Variants in SLC18A1 observed in about 807,000 individuals in gnomAD.
The protein encoded by SLC18A1 is chromaffin granule amine transporter.
In SLC18A1, 69 loss-of-function variants were observed where a neutral mutation model predicts 53.7. That is an observed-to-expected ratio of 1.28 (90% confidence interval 1.06 to 1.57). The LOEUF is 1.57. Among genes scored for constraint, SLC18A1 ranks in the 40% most tolerant of loss-of-function variants. SLC18A1 has a pLI of 0.00. For missense variants in SLC18A1, 932 were observed against 668.1 expected (o/e 1.40, Z -4.35); for synonymous variants, 320 against 248.1 (o/e 1.29, Z -2.72).
chr8:20,164,177 G>A (rs1170892031), intron 10 of SLC18A1, among the ~76,000 whole-genome samples: 1 of 152,094 alleles, frequency 6.6e-6, no homozygotes, highest in Non-Finnish European at 1.5e-5. Context: ...CAGTGATGGA[G>A]CAATTTGCAC....
intron 10 of SLC18A1, among the ~76,000 whole-genome samples, chr8:20,163,384 G>T (rs553820140): frequency 6.6e-6 from 1 of 152,212 alleles, no homozygotes; most frequent in East Asian, 1.9e-4. Context: ...CATATCAGAG[G>T]TCAAAGAGGT....
At position 20,148,082 on chromosome 8, in the gene SLC18A1, A is replaced by C. The variant is rs1247427100; in HGVS notation, c.1147-12T>G. 1.9e-6 allele frequency: 3 copies of C among 1,613,874 alleles called. No homozygotes were observed. The East Asian group carries it at 6.7e-5, about 36-fold the overall frequency. On this transcript the variant is annotated splice_polypyrimidine_tract_variant and intron_variant, in intron 12 of 15. Coordinates refer to ENST00000276373, the MANE Select transcript of SLC18A1 (RefSeq NM_003053.4). ...TGAGCCAGAGGAACCTGCATGGGGAAGGAGGAAGAGTCATCAGGACTCCAG... is the reference window on the plus strand; with the variant it reads ...TGAGCCAGAGGAACCTGCATGGGGACGGAGGAAGAGTCATCAGGACTCCAG...
intron 10 of SLC18A1, among the ~76,000 whole-genome samples, chr8:20,158,982 C>G (rs2071748634): frequency 6.6e-6 from 1 of 152,126 alleles, no homozygotes; most frequent in Non-Finnish European, 1.5e-5. Context: ...TTGGATGTAC[C>G]TCCCGCTGCA....
At position 20,156,815 on chromosome 8, in the gene SLC18A1, A is replaced by G. The variant is rs1282084740; in HGVS notation, c.1016-6071T>C. Among the ~76,000 whole-genome samples the G allele has an allele frequency of 3.9e-5, 6 of 152,182 alleles. No individual in the cohort carries two copies. In the East Asian group the frequency reaches 5.8e-4, roughly 15 times the overall value. On this transcript the variant is annotated intron_variant, in intron 10 of 15. Coordinates refer to ENST00000276373, the MANE Select transcript of SLC18A1 (RefSeq NM_003053.4). ...CCTAGTGGGCAAAAACTCTATCTCAATCCTGACTCAAAGGGTTACCTACAC... is the reference window on the plus strand; with the variant it reads ...CCTAGTGGGCAAAAACTCTATCTCAGTCCTGACTCAAAGGGTTACCTACAC...
chr8:20,166,908 C>T (rs2071981879), intron 8 of SLC18A1, among the ~76,000 whole-genome samples: 1 of 152,038 alleles, frequency 6.6e-6, no homozygotes, highest in Non-Finnish European at 1.5e-5. Context: ...TGAGTAAAGG[C>T]CATGTGAGGA....
chr8:20,172,705 G>C (rs551737703), intron 6 of SLC18A1, among the ~76,000 whole-genome samples: 3 of 152,242 alleles, frequency 2.0e-5, no homozygotes, highest in Non-Finnish European at 4.4e-5. Flanking sequence ...GAATAAAAGA[G>C]ATTATGCGTG....
chr8:20,167,333 C>T (rs906803782), intron 8 of SLC18A1, among the ~76,000 whole-genome samples: 1 of 151,998 alleles, frequency 6.6e-6, no homozygotes, highest in Non-Finnish European at 1.5e-5. Flanking sequence ...TTTATAATGG[C>T]ATGGGTAAGT....
At position 20,150,673 on chromosome 8, in the gene SLC18A1, T is replaced by A; in HGVS notation, c.1087A>T (p.Met363Leu). ...TNLFGVLANKMGRWLCSLIGM... is the reference protein window; with the variant it reads ...TNLFGVLANKLGRWLCSLIGM... Reference sequence around the variant, plus strand: ...GATCCCGAGGCTACATACCGACCCATCTTGTTGGCCAACACACCAAAGAGG... The same window carrying A: ...GATCCCGAGGCTACATACCGACCCAACTTGTTGGCCAACACACCAAAGAGG... The change falls in exon 11 of 16, where the codon ATG becomes TTG. Residue 363 changes from methionine to leucine, a missense_variant. By Grantham distance (15) the Met-to-Leu change is conservative. Transcript: ENST00000276373. The A allele has an allele frequency of 6.2e-7, 1 of 1,613,986 alleles. No individual in the cohort carries two copies. Among genetic ancestry groups the A allele is most frequent in the Non-Finnish European group, 8.5e-7 (1 of 1,179,916 alleles).
rs750482690 is a variant in SLC18A1, at chr8:20,179,343, GTGT to G, written c.263_265del (p.Asn88del). The stretch of plus-strand genomic sequence containing the variant: ...AGGTACGCTTTCTTCAACAGCCACG[GTGT>G]TGTTGTTGAAGAAGGAGAAGATGGT... On this transcript the variant is annotated inframe_deletion, in exon 3 of 16. Transcript: ENST00000276373. 1.3e-5 allele frequency: 21 copies of G among 1,614,078 alleles called. No individual in the cohort carries two copies. The highest frequency in any genetic ancestry group is 1.6e-4 in the Middle Eastern group (1 of 6,072).
At chr8:20,151,154 T>TG (rs1554534419) in intron 10 of SLC18A1, among the ~76,000 whole-genome samples, 26 of 147,508 alleles carry the variant, frequency 1.8e-4, no homozygotes, top group African/African-American at 5.8e-4. Flanking sequence ...TTTGTTTTTT[T>TG]TTTGTTTGTT....
intron 4 of SLC18A1, among the ~76,000 whole-genome samples, chr8:20,174,722 C>A (rs923249437): frequency 1.3e-5 from 2 of 152,100 alleles, no homozygotes; most frequent in Non-Finnish European, 2.9e-5. Flanking sequence ...TGCCAAGAAC[C>A]CAACATTCTG....
intron 8 of SLC18A1, among the ~76,000 whole-genome samples, chr8:20,170,648 G>A (rs938500817): frequency 1.3e-5 from 2 of 152,112 alleles, no homozygotes; most frequent in South Asian, 4.2e-4. Context: ...TTTTATTGCA[G>A]AAGATGTTGT....
chr8:20,160,108 T>A (rs1190677146), intron 10 of SLC18A1, among the ~76,000 whole-genome samples: 1 of 152,006 alleles, frequency 6.6e-6, no homozygotes, highest in Non-Finnish European at 1.5e-5. Flanking sequence ...CTTGTTTGCT[T>A]TTAATATTCT....
chr8:20,157,743 C>A lies in SLC18A1; in HGVS notation c.1016-6999G>T, dbSNP rs552282082. Among the ~76,000 whole-genome samples, 9 of 152,280 alleles carry A rather than the reference C, an allele frequency of 5.9e-5. No individual in the cohort carries two copies. The South Asian group carries it at 1.9e-3, about 32-fold the overall frequency. ...CCCAGAGCAAAACTTAGAAACCCTACTGAACTTGGCAACCTCAGTTTTTTA... is the reference window on the plus strand; with the variant it reads ...CCCAGAGCAAAACTTAGAAACCCTAATGAACTTGGCAACCTCAGTTTTTTA... On this transcript the variant is annotated intron_variant, in intron 10 of 15. Transcript: ENST00000276373.
chr8:20,145,982 C>A, intron 15 of SLC18A1, 106 bp from the exon 16 acceptor site: 1 of 536,046 alleles, frequency 1.9e-6, no homozygotes, highest in South Asian at 3.2e-5. Context: ...GTGGCGCAAT[C>A]TCGGCTCACT....
At chr8:20,174,477 T>G in intron 4 of SLC18A1, 33 bp from the exon 5 acceptor site, 1 of 1,517,490 alleles carries the variant, frequency 6.6e-7, no homozygotes, top group Non-Finnish European at 9.2e-7. Context: ...TAACTGCAGT[T>G]AGCAAATTGC....
At chr8:20,177,718 C>T (rs544109659) in intron 4 of SLC18A1, among the ~76,000 whole-genome samples, 8 of 152,156 alleles carry the variant, frequency 5.3e-5, no homozygotes, top group Non-Finnish European at 7.4e-5. Flanking sequence ...GCAGGGCCAT[C>T]GGGAACCAAG....
chr8:20,154,008 A>G (rs1388870003), intron 10 of SLC18A1, among the ~76,000 whole-genome samples: 1 of 152,072 alleles, frequency 6.6e-6, no homozygotes, highest in East Asian at 1.9e-4. Flanking sequence ...TCCTCACGGT[A>G]ATGAGTGACT....
At chr8:20,150,948 G>T (rs959416961) in intron 10 of SLC18A1, 63 of 575,746 alleles carry the variant, frequency 1.1e-4, no homozygotes, top group Middle Eastern at 3.4e-4. Context: ...GCAAGGCTTT[G>T]TTTAGCCTCA....
Sources: allele counts gnomAD v4.1 joint callset (sites outside exome capture counted in the v4.1 genomes callset), GRCh38; gene constraint gnomAD v4.1.1; transcripts MANE v1.5; gene names NCBI Gene and HGNC (gene_info 2026-07-23, HGNC 2026-07-21).